Variants in ACER1 observed in about 807,000 individuals in gnomAD.
The protein encoded by ACER1 is CTB-180A7.3.
In ACER1, 28 loss-of-function variants were observed where a neutral mutation model predicts 24.9. The ratio of observed to expected loss-of-function variants is 1.13; its 90% CI spans 0.83 to 1.54. The LOEUF is 1.54. ACER1 is among the 40% of genes most tolerant of loss of function. The probability of loss-of-function intolerance (pLI) is 0.00; values close to 1 mark genes in which losing one functional copy is unlikely to be tolerated. For synonymous variants in ACER1, 132 were observed against 131.4 expected, an observed-to-expected ratio of 1.00 and a Z score of -0.03; for missense variants, 352 against 349.3, an observed-to-expected ratio of 1.01 and a Z score of -0.06.
At chr19:6,345,751 G>A in the ACER1 span, among the ~76,000 whole-genome samples, 3 of 151,660 alleles carry the variant, frequency 2.0e-5, no homozygotes, top group Admixed American at 6.6e-5. Context: ...TTTTTGTAAA[G>A]ACAGGGTTTT....
chr19:6,353,663 T>C, the ACER1 span, among the ~76,000 whole-genome samples: 1 of 150,518 alleles, frequency 6.6e-6, no homozygotes, highest in Non-Finnish European at 1.5e-5. Context: ...CCATCTCTAC[T>C]AAAAATACAA....
chr19:6,332,448 C>T (rs10401136), intron 1 of ACER1, among the ~76,000 whole-genome samples: 2 of 151,240 alleles, frequency 1.3e-5, no homozygotes, highest in Admixed American at 1.3e-4. Flanking sequence ...TTTTTAAAAA[C>T]TTTTTGTAGA....
the ACER1 span, among the ~76,000 whole-genome samples, chr19:6,358,123 C>G: frequency 3.3e-5 from 5 of 152,126 alleles, no homozygotes; most frequent in African/African-American, 1.2e-4. Context: ...CCTGGGGCAA[C>G]CGGCCGGGCA....
chr19:6,306,792 T>A lies in ACER1; in HGVS notation c.717A>T (p.Lys239Asn), dbSNP rs1225647783. Residue 239 changes from lysine (K) to asparagine (N), a missense_variant, in exon 6 of 6, where the codon AAA becomes AAT. Lys to Asn is a moderately conservative substitution (Grantham distance 94). Coordinates refer to ENST00000301452, the MANE Select transcript of ACER1 (RefSeq NM_133492.3). The stretch of plus-strand genomic sequence containing the variant: ...AACTGTCCCGAGGCCAGTAGCGGAC[T>A]TTGAGGGTTTCACCTGGCATCTCAT... ...ANYEMPGETL[K>N]VRYWPRDSWP... 1.2e-6 allele frequency: 2 copies of A among 1,614,056 alleles called. No homozygotes were observed. The highest frequency in any genetic ancestry group is 1.7e-6 in the Non-Finnish European group (2 of 1,180,038).
intron 1 of ACER1, among the ~76,000 whole-genome samples, chr19:6,332,536 T>C (rs940984359): frequency 1.6e-4 from 24 of 152,066 alleles, no homozygotes; most frequent in African/African-American, 4.1e-4. Flanking sequence ...GCGTTCCAAA[T>C]TGCTGGGGTT....
At chr19:6,317,477 A>T (rs369806412) in intron 1 of ACER1, among the ~76,000 whole-genome samples, 24 of 152,308 alleles carry the variant, frequency 1.6e-4, no homozygotes, top group African/African-American at 5.8e-4. Flanking sequence ...CCGTGGCCCT[A>T]GTTCAGTTGC....
chr19:6,332,249 G>A (rs1317232161), intron 1 of ACER1, among the ~76,000 whole-genome samples: 1 of 148,874 alleles, frequency 6.7e-6, no homozygotes, highest in Non-Finnish European at 1.5e-5. Context: ...TTACAGGCGT[G>A]AGCCTCCGCG....
upstream of ACER1, among the ~76,000 whole-genome samples, chr19:6,337,175 C>CAA (rs56792886): frequency 0.033 from 3,912 of 119,812 alleles, 179 homozygotes; most frequent in African/African-American, 0.1. Flanking sequence ...GACTCCCTCT[C>CAA]AAAAAAAAAA....
At chr19:6,323,856 G>A (rs900298606) in intron 1 of ACER1, among the ~76,000 whole-genome samples, 1 of 152,102 alleles carries the variant, frequency 6.6e-6, no homozygotes, top group African/African-American at 2.4e-5. Flanking sequence ...GCCATTGTGT[G>A]TAGCTCAGAG....
At chr19:6,309,517 G>A (rs1421793554) in intron 4 of ACER1, among the ~76,000 whole-genome samples, 180 bp downstream of exon 4, 3 of 151,226 alleles carry the variant, frequency 2.0e-5, no homozygotes, top group Admixed American at 6.6e-5. Context: ...GCGAGGATCC[G>A]TCTCAAGAAA....
the ACER1 span, among the ~76,000 whole-genome samples, chr19:6,352,542 G>A: frequency 6.6e-6 from 1 of 152,096 alleles, no homozygotes; most frequent in Admixed American, 6.6e-5. Context: ...GATAAGCTGT[G>A]GTTGTTTCAA....
chr19:6,317,786 G>A (rs1205080910), intron 1 of ACER1, among the ~76,000 whole-genome samples: 2 of 151,364 alleles, frequency 1.3e-5, no homozygotes, highest in African/African-American at 2.4e-5. Flanking sequence ...ACAGAGTCTT[G>A]CTCTATCACC....
rs372797651 is a variant in ACER1, at chr19:6,306,898, C to T, written c.627-16G>A. On this transcript the variant is annotated splice_polypyrimidine_tract_variant and intron_variant, in intron 5 of 5. Coordinates refer to ENST00000301452, the MANE Select transcript of ACER1 (RefSeq NM_133492.3). ...GAGCACATGCCTGTGGAGTGCAGGG[C>T]GAAGGTGGCGAGGGCACAAGATACC... The T allele has an allele frequency of 5.6e-6, 9 of 1,601,856 alleles. No individual in the cohort carries two copies. Among genetic ancestry groups the T allele is most frequent in the East Asian group, 2.2e-5 (1 of 44,678 alleles).
At position 6,311,465 on chromosome 19, in the gene ACER1, C is replaced by T. The variant is rs529793436; in HGVS notation, c.350+684G>A. Among the ~76,000 whole-genome samples, 25 of 152,042 alleles carry T rather than the reference C, an allele frequency of 1.6e-4. No homozygotes were observed. The South Asian group carries it at 1.7e-3, about 10-fold the overall frequency. ...GCTGAGGCAGGAGGATCACTTGAAC[C>T]CTGAAGGCAGAGGCTGCAGTGAGCC... On this transcript the variant is annotated intron_variant, in intron 3 of 5. Transcript: ENST00000301452.
chr19:6,318,486 A>C (rs1438427907), intron 1 of ACER1, among the ~76,000 whole-genome samples: 1 of 150,672 alleles, frequency 6.6e-6, no homozygotes, highest in African/African-American at 2.4e-5. Flanking sequence ...TAAATAAAAA[A>C]TAAAAAATAG....
intron 4 of ACER1, among the ~76,000 whole-genome samples, chr19:6,308,032 G>A (rs1042425194): frequency 1.3e-5 from 2 of 152,016 alleles, no homozygotes; most frequent in Non-Finnish European, 2.9e-5. Flanking sequence ...GCAATGAGCC[G>A]GGATTGCGCC....
At chr19:6,329,080 C>G (rs1008583701) in intron 1 of ACER1, among the ~76,000 whole-genome samples, 7 of 151,898 alleles carry the variant, frequency 4.6e-5, no homozygotes, top group African/African-American at 1.4e-4. Flanking sequence ...TCCAGGAGGT[C>G]AAGGCTGCAG....
At chr19:6,318,951 G>C (rs1187599912) in intron 1 of ACER1, among the ~76,000 whole-genome samples, 1 of 151,452 alleles carries the variant, frequency 6.6e-6, no homozygotes, top group Non-Finnish European at 1.5e-5. Context: ...AATGCCTCTT[G>C]GTTTCTCTTC....
At chr19:6,351,399 T>C in the ACER1 span, among the ~76,000 whole-genome samples, 3 of 150,458 alleles carry the variant, frequency 2.0e-5, no homozygotes, top group East Asian at 5.9e-4. Context: ...AATAAATAAA[T>C]AAGAGTTACA....
Sources: gnomAD v4.1 joint callset for allele counts (sites outside exome capture counted in the v4.1 genomes callset) on GRCh38, gnomAD v4.1.1 for gene constraint, MANE v1.5 for transcripts, NCBI Gene and HGNC (gene_info 2026-07-23, HGNC 2026-07-21) for gene names.